Variants in MMP26 observed in about 807,000 individuals in gnomAD.
MMP26 encodes the protein matrix metalloproteinase-26.
Under a neutral mutation model 31.0 loss-of-function variants are expected in MMP26, and 33 were observed. The ratio of observed to expected loss-of-function variants is 1.06; its 90% CI spans 0.81 to 1.42. The LOEUF (loss-of-function observed/expected upper bound fraction) is 1.42, where lower values mean the gene tolerates loss of function less well. Ranked by LOEUF, MMP26 falls within the 40% of genes most tolerant of loss-of-function variation. The pLI, the probability that MMP26 is intolerant of heterozygous loss-of-function variation, is 0.00. For synonymous variants in MMP26, 122 were observed against 114.9 expected, an observed-to-expected ratio of 1.06 and a Z score of -0.40; for missense variants, 347 against 316.1, an observed-to-expected ratio of 1.10 and a Z score of -0.74.
intron 2 of MMP26, among the ~76,000 whole-genome samples, chr11:4,898,054 T>A (rs940344836): frequency 1.3e-5 from 2 of 151,196 alleles, no homozygotes; most frequent in Non-Finnish European, 3.0e-5. Context: ...TTCCTCCTTG[T>A]ATTATTTTAT....
At chr11:4,900,167 T>C (rs932102354) in intron 2 of MMP26, among the ~76,000 whole-genome samples, 1 of 152,178 alleles carries the variant, frequency 6.6e-6, no homozygotes, top group African/African-American at 2.4e-5. Flanking sequence ...CATGGTTGTG[T>C]GTCTACTGTT....
intron 2 of MMP26, among the ~76,000 whole-genome samples, chr11:4,859,213 T>G (rs1028021586): frequency 3.3e-5 from 5 of 152,288 alleles, no homozygotes; most frequent in Admixed American, 1.3e-4. Context: ...AAAGCCAAAA[T>G]GGACAAATGG....
intron 2 of MMP26, among the ~76,000 whole-genome samples, chr11:4,920,803 A>C (rs1226983783): frequency 6.6e-6 from 1 of 152,126 alleles, no homozygotes; most frequent in Non-Finnish European, 1.5e-5. Flanking sequence ...TTGATTCTCC[A>C]TAAAATATTC....
At chr11:4,860,726 CTG>C (rs1260832443) in intron 2 of MMP26, 2 of 308,108 alleles carry the variant, frequency 6.5e-6, no homozygotes, top group African/African-American at 4.4e-5. Flanking sequence ...ATTTGTAACA[CTG>C]TGTCTTTTTC....
intron 2 of MMP26, among the ~76,000 whole-genome samples, chr11:4,847,283 AC>A (rs1427629651): frequency 6.6e-6 from 1 of 152,188 alleles, no homozygotes; most frequent in African/African-American, 2.4e-5. Flanking sequence ...GTGAATGTAT[AC>A]TGCTGCTACT....
At chr11:4,737,772 A>T (rs12224861) in intron 1 of MMP26, among the ~76,000 whole-genome samples, 26,437 of 152,152 alleles carry the variant, frequency 0.17, 2,768 homozygotes, top group African/African-American at 0.3. Context: ...TCCAAAGTAA[A>T]TTGAAAATAC....
At chr11:4,709,842 C>G (rs567972477) in intron 1 of MMP26, 7 of 457,016 alleles carry the variant, frequency 1.5e-5, no homozygotes, top group Non-Finnish European at 2.6e-5. Context: ...GTTCAATGCT[C>G]GAGAAATCAG....
chr11:4,978,829 C>G (rs55931850), intron 2 of MMP26, among the ~76,000 whole-genome samples: 6,850 of 152,002 alleles, frequency 0.045, 510 homozygotes, highest in African/African-American at 0.16. Context: ...AACGCCAGGT[C>G]ATAAATTAGG....
At chr11:4,989,082 G>A (rs972304562) in intron 3 of MMP26, among the ~76,000 whole-genome samples, 1 of 152,154 alleles carries the variant, frequency 6.6e-6, no homozygotes, top group Non-Finnish European at 1.5e-5. Context: ...GACAGAGAAA[G>A]CCTAATTACA....
intron 2 of MMP26, among the ~76,000 whole-genome samples, chr11:4,985,363 C>T (rs1332586018): frequency 2.0e-5 from 3 of 152,142 alleles, no homozygotes; most frequent in Non-Finnish European, 4.4e-5. Flanking sequence ...AATCTCTATA[C>T]CATATTTGTC....
At chr11:4,907,673 T>C in intron 2 of MMP26, 1 of 1,614,100 alleles carries the variant, frequency 6.2e-7, no homozygotes, top group Non-Finnish European at 8.5e-7. Flanking sequence ...TGCTCAAGAA[T>C]TCTTCATTCA....
At chr11:4,773,827 C>G (rs563800493) in intron 2 of MMP26, among the ~76,000 whole-genome samples, 3 of 152,122 alleles carry the variant, frequency 2.0e-5, no homozygotes, top group African/African-American at 7.2e-5. Context: ...GTGTGTTGTT[C>G]TCCTTTCTGT....
intron 2 of MMP26, among the ~76,000 whole-genome samples, chr11:4,816,419 T>C (rs2133466668): frequency 6.6e-6 from 1 of 152,314 alleles, no homozygotes; most frequent in Non-Finnish European, 1.5e-5. Flanking sequence ...ATTGGTTTTC[T>C]GTCTGGGTGA....
intron 2 of MMP26, chr11:4,923,704 G>T: frequency 6.2e-7 from 1 of 1,614,056 alleles, no homozygotes; most frequent in Non-Finnish European, 8.5e-7. Flanking sequence ...TGAGCAGGGA[G>T]TCCACACCCA....
intron 2 of MMP26, among the ~76,000 whole-genome samples, chr11:4,940,340 G>A (rs931435474): frequency 3.3e-5 from 5 of 152,054 alleles, no homozygotes; most frequent in Non-Finnish European, 5.9e-5. Flanking sequence ...TGTACACTCT[G>A]TCTCTCCTTG....
In MMP26 at chr11:4,887,658, A is replaced by C. The variant is rs1850562293; in HGVS notation, c.-144-100410A>C. Among the ~76,000 whole-genome samples, 4 of 152,092 alleles carry C rather than the reference A, an allele frequency of 2.6e-5. 1 individual carries two copies. In the South Asian group the frequency reaches 8.3e-4, roughly 31 times the overall value. ...GCTTGTAATTTATCAACATATTCTG[A>C]GTTGTTAAAGACATTTTTGTTGTTG... On this transcript the variant is annotated intron_variant, in intron 2 of 7. Coordinates refer to ENST00000380390, the MANE Select transcript of MMP26 (RefSeq NM_021801.5).
At chr11:4,793,387 G>C (rs1385928317) in intron 2 of MMP26, among the ~76,000 whole-genome samples, 2 of 152,102 alleles carry the variant, frequency 1.3e-5, no homozygotes, top group African/African-American at 4.8e-5. Flanking sequence ...AAAAACGAGA[G>C]ACTTATAAAT....
At chr11:4,772,046 A>G (rs1232779946) in intron 2 of MMP26, among the ~76,000 whole-genome samples, 4 of 152,122 alleles carry the variant, frequency 2.6e-5, no homozygotes, top group African/African-American at 9.7e-5. Flanking sequence ...GGAGCCATGG[A>G]CTTTATAGTA....
intron 2 of MMP26, among the ~76,000 whole-genome samples, chr11:4,773,127 G>A (rs890370087): frequency 3.3e-5 from 5 of 152,076 alleles, no homozygotes; most frequent in Non-Finnish European, 5.9e-5. Flanking sequence ...TATCTGTGAC[G>A]GTCAGATTGT....
Sources: allele counts gnomAD v4.1 joint callset (sites outside exome capture counted in the v4.1 genomes callset), GRCh38; gene constraint gnomAD v4.1.1; transcripts MANE v1.5; gene names NCBI Gene and HGNC (gene_info 2026-07-23, HGNC 2026-07-21).